Variants in GLB1 observed in about 807,000 individuals in gnomAD.
GLB1 encodes beta-galactosidase.
In GLB1, 56 loss-of-function variants were observed where a neutral mutation model predicts 74.0. That is an observed-to-expected ratio of 0.76 (90% confidence interval 0.61 to 0.94). The LOEUF (loss-of-function observed/expected upper bound fraction) is 0.94. GLB1 is among the 40% of genes least tolerant of loss of function. The pLI is 0.00. For missense variants in GLB1, 787 were observed against 845.5 expected, an observed-to-expected ratio of 0.93 and a Z score of 0.86; for synonymous variants, 323 against 323.6, an observed-to-expected ratio of 1.00 and a Z score of 0.02.
At chr3:33,054,036 A>T (rs1007764457) in intron 6 of GLB1, among the ~76,000 whole-genome samples, 63 of 151,822 alleles carry the variant, frequency 4.1e-4, no homozygotes, top group Non-Finnish European at 5.9e-4. Flanking sequence ...TTATTAAAAA[A>T]AATAATAATA....
chr3:33,072,448 T>C, intron 2 of GLB1, 96 bp downstream of exon 2: 1 of 1,567,482 alleles, frequency 6.4e-7, no homozygotes, highest in Non-Finnish European at 8.7e-7. Flanking sequence ...TTCCCATTTC[T>C]GAGCAATAAA....
intron 9 of GLB1, among the ~76,000 whole-genome samples, chr3:33,051,233 C>CAAAAA (rs35399363): frequency 3.9e-5 from 3 of 76,360 alleles, no homozygotes; most frequent in African/African-American, 1.2e-4. Flanking sequence ...GACTGCGTCT[C>CAAAAA]AAAAAAAAAA....
chr3:33,058,160 T>C lies in GLB1; in HGVS notation c.662A>G (p.Asp221Gly). 2 of 1,614,102 alleles carry C rather than the reference T, an allele frequency of 1.2e-6. No homozygotes were observed. Among genetic ancestry groups the C allele is most frequent in the Non-Finnish European group, 1.7e-6 (2 of 1,180,018 alleles). The change falls in exon 6 of 16, where the codon GAT (aspartate) becomes GGT (glycine). Residue 221 changes from aspartate to glycine, a missense_variant. By Grantham distance (94) the Asp-to-Gly change is moderately conservative. Transcript: ENST00000307363. ...LGDDVVLFTT[D>G]GAHKTFLKCG... is the part of the protein sequence containing the mutation. ...TTTCAGGAATGTTTTATGTGCTCCA[T>C]CAGTGGTAAACAGAACCACATCATC...
At position 33,093,438 on chromosome 3, in the gene GLB1, G is replaced by A. The variant is rs183130332; in HGVS notation, c.75+3573C>T. On this transcript the variant is annotated intron_variant, in intron 1 of 15. Coordinates refer to ENST00000307363, the MANE Select transcript of GLB1 (RefSeq NM_000404.4). This position sits in a 1 kb window ranked among gnomAD's most constrained non-coding sequence, Gnocchi z 6.0. Reference sequence around the variant, plus strand: ...AGGAGCGACAGCCGTCCGCAGGACCGAGGCTTCTGAGTCGGAGAGGTCACC... The same window carrying A: ...AGGAGCGACAGCCGTCCGCAGGACCAAGGCTTCTGAGTCGGAGAGGTCACC... The A allele has an allele frequency of 2.1e-5, 34 of 1,614,042 alleles. No homozygotes were observed. The highest frequency in any genetic ancestry group is 4.5e-5 in the East Asian group (2 of 44,874).
intron 1 of GLB1, among the ~76,000 whole-genome samples, chr3:33,088,367 CTACA>C (rs1452662431): frequency 2.2e-5 from 2 of 92,596 alleles, no homozygotes; most frequent in African/African-American, 8.4e-5. Context: ...ACCCTAAAGA[CTACA>C]CACACACACA....
the GLB1 span, among the ~76,000 whole-genome samples, chr3:32,970,724 C>G: frequency 1.3e-5 from 2 of 152,132 alleles, no homozygotes; most frequent in African/African-American, 4.8e-5. Flanking sequence ...AGTGGATTAG[C>G]CAGCAAGACC....
chr3:33,045,446 T>C, intron 10 of GLB1: 5 of 985,316 alleles, frequency 5.1e-6, no homozygotes, highest in Non-Finnish European at 6.0e-6. Context: ...AAATCTGGTG[T>C]TCCTCATTCT....
intron 4 of GLB1, 146 bp downstream of exon 4, chr3:33,068,084 G>T: frequency 8.9e-7 from 1 of 1,123,304 alleles, no homozygotes. Flanking sequence ...GCGAGGTTTT[G>T]CCATTTTGGC....
rs1453538609 is a variant in GLB1 at position 33,053,566 on chromosome 3, G to A, written c.734-17C>T. ...TGTTGCTGCCTGAAAATTGTAAGAG[G>A]GAGAAGGTAGGTCAGTCGTGGAAAT... On this transcript the variant is annotated splice_polypyrimidine_tract_variant and intron_variant, in intron 6 of 15. Coordinates refer to ENST00000307363, the MANE Select transcript of GLB1 (RefSeq NM_000404.4). 1.9e-6 allele frequency: 3 copies of A among 1,613,988 alleles called. No homozygotes were observed. Among genetic ancestry groups the A allele is most frequent in the Non-Finnish European group, 2.5e-6 (3 of 1,180,014 alleles).
chr3:33,072,205 G>C (rs4320035), intron 2 of GLB1, among the ~76,000 whole-genome samples: 16,181 of 152,040 alleles, frequency 0.11, 1,129 homozygotes, highest in East Asian at 0.36. Flanking sequence ...CTATAAACAG[G>C]AACAATAATA....
intron 1 of GLB1, among the ~76,000 whole-genome samples, chr3:33,080,098 T>TTTTG (rs1443645067): frequency 6.6e-6 from 1 of 151,790 alleles, no homozygotes; most frequent in African/African-American, 2.4e-5. Flanking sequence ...AACTGTTTTT[T>TTTTG]TTTGTTTGTT....
chr3:32,995,826 C>A (rs148242785), downstream of GLB1, among the ~76,000 whole-genome samples: 720 of 125,936 alleles, frequency 5.7e-3, 10 homozygotes, highest in African/African-American at 0.021. Context: ...GCCTGGGCAA[C>A]AGAGCAAGAC....
the GLB1 span, among the ~76,000 whole-genome samples, chr3:32,978,959 C>T: frequency 1.5e-5 from 2 of 133,882 alleles, no homozygotes; most frequent in African/African-American, 5.6e-5. Flanking sequence ...TTAGTAGAGA[C>T]AATATTTCTT....
At chr3:33,064,455 A>AAG (rs1452446015) in intron 5 of GLB1, among the ~76,000 whole-genome samples, 1 of 140,128 alleles carries the variant, frequency 7.1e-6, no homozygotes, top group African/African-American at 2.7e-5. Context: ...AAAAAAAACA[A>AAG]AAAACCTTTA....
Position 33,014,112 on chromosome 3 carries a change from T to A in GLB1, c.1678A>T (p.Ser560Cys). 1 of 1,614,168 alleles carries A rather than the reference T, an allele frequency of 6.2e-7. No homozygotes were observed. The highest frequency in any genetic ancestry group is 8.5e-7 in the Non-Finnish European group (1 of 1,180,030). The change falls in exon 15 of 16, where the codon AGT (serine) becomes TGT (cysteine). Residue 560 changes from serine to cysteine, a missense_variant. Coordinates refer to ENST00000307363, the MANE Select transcript of GLB1 (RefSeq NM_000404.4). ...TCCTGGGGCAAGTCTGGGATCCCAC[T>A]GGGAATGGAGAAGTTCCCCATATAA... ...AFYMGNFSIP[S>C]GIPDLPQDTF...
intron 3 of GLB1, among the ~76,000 whole-genome samples, 195 bp from the exon 4 acceptor site, chr3:33,068,485 G>A (rs2125548159): frequency 6.6e-6 from 1 of 152,344 alleles, no homozygotes; most frequent in South Asian, 2.1e-4. Context: ...CACTCTGCAT[G>A]AATGCAATGT....
chr3:33,008,254 T>C (rs62250895), intron 15 of GLB1, among the ~76,000 whole-genome samples: 11,156 of 152,162 alleles, frequency 0.073, 450 homozygotes, highest in Non-Finnish European at 0.087. Context: ...GCTTTCTTTG[T>C]GTTTAGGTCC....
At chr3:32,964,599 A>C in the GLB1 span, among the ~76,000 whole-genome samples, 2 of 152,240 alleles carry the variant, frequency 1.3e-5, no homozygotes, top group Admixed American at 1.3e-4. Flanking sequence ...AGTCTGATTG[A>C]TGTCTAGGTA....
downstream of GLB1, among the ~76,000 whole-genome samples, chr3:32,992,925 G>A (rs1406446557): frequency 6.6e-6 from 1 of 152,236 alleles, no homozygotes; most frequent in Non-Finnish European, 1.5e-5. Flanking sequence ...GTCAGACCAA[G>A]AGCAGGGGCT....
Sources: gnomAD v4.1 joint callset for allele counts (sites outside exome capture counted in the v4.1 genomes callset) on GRCh38, gnomAD v4.1.1 for gene constraint, Gnocchi (gnomAD v3.1) non-coding constraint, MANE v1.5 for transcripts, NCBI Gene and HGNC (gene_info 2026-07-23, HGNC 2026-07-21) for gene names.